TRPM5: variants seen among roughly 807,000 people sequenced by gnomAD.
TRPM5 encodes MLSN1 and TRP-related.
TRPM5 carries 121 observed loss-of-function variants against 124.9 expected under a neutral mutation model. That is an observed-to-expected ratio of 0.97 (90% CI 0.84 to 1.13). TRPM5 has a LOEUF of 1.13. Among genes scored for constraint, TRPM5 ranks in the 50% most tolerant of loss-of-function variants. The probability of loss-of-function intolerance (pLI) is 0.00; values close to 1 mark genes in which losing one functional copy is unlikely to be tolerated. For missense variants in TRPM5, 1,643 were observed against 1,589.1 expected, an observed-to-expected ratio of 1.03 and a Z score of -0.58; for synonymous variants, 781 against 700.5, an observed-to-expected ratio of 1.11 and a Z score of -1.81.
At chr11:2,435,620 C>CATCG in the TRPM5 span, among the ~76,000 whole-genome samples, 1 of 151,432 alleles carries the variant, frequency 6.6e-6, no homozygotes, top group Admixed American at 6.6e-5. The surrounding 1 kb of genome is among the most constrained non-coding windows in gnomAD (Gnocchi z 4.1). Flanking sequence ...TCCATCCATC[C>CATCG]ACCCATCCAC....
intron 21 of TRPM5, 53 bp from the exon 27 acceptor site, chr11:2,406,144 G>C: frequency 1.9e-6 from 3 of 1,591,128 alleles, no homozygotes; most frequent in Non-Finnish European, 2.6e-6. Context: ...TGCTCTGCGT[G>C]TGGGGAGCCT....
chr11:2,418,547 C>T (rs997328558), exon 5 of TRPM5: 14 of 1,611,692 alleles, frequency 8.7e-6, no homozygotes, highest in Non-Finnish European at 1.2e-5. Context: ...TTGGGATCAC[C>T]ATTGACCAGC....
the TRPM5 span, among the ~76,000 whole-genome samples, chr11:2,443,817 C>T: frequency 6.9e-6 from 1 of 145,102 alleles, no homozygotes; most frequent in African/African-American, 2.6e-5. This position sits in a 1 kb window ranked among gnomAD's most constrained non-coding sequence, Gnocchi z 5.0. Context: ...CTGTTGGCTG[C>T]CCCCCACCCC....
intron 21 of TRPM5, 169 bp from the exon 27 acceptor site, chr11:2,406,260 AC>A: frequency 1.4e-6 from 1 of 722,102 alleles, no homozygotes; most frequent in Non-Finnish European, 2.4e-6. Context: ...CTCAAAGTGC[AC>A]CTGGTGCAGT....
exon 9 of TRPM5, chr11:2,415,181 G>C (rs201638929): frequency 6.3e-7 from 1 of 1,585,172 alleles, no homozygotes. Context: ...CGTCCTGCAG[G>C]AAGTCCTTGA....
At position 2,421,200 on chromosome 11, in the gene TRPM5, T is replaced by C. The variant is rs1189337773; in HGVS notation, c.299-2A>G. The C allele has an allele frequency of 5.2e-6, 8 of 1,535,582 alleles. No homozygotes were observed. The highest frequency in any genetic ancestry group is 7.0e-6 in the Non-Finnish European group (8 of 1,143,824). Reference sequence around the variant, plus strand: ...GGGCACTGGTCAGGATCCAGGCTCCTGTGGGGATGGAAGAGGGCCTCGTTG... The same window carrying C: ...GGGCACTGGTCAGGATCCAGGCTCCCGTGGGGATGGAAGAGGGCCTCGTTG... On this transcript the variant is annotated splice_acceptor_variant, in intron 2 of 23. Coordinates refer to ENST00000155858, the Ensembl canonical transcript of TRPM5. LOFTEE classifies it high-confidence loss of function.
the TRPM5 span, among the ~76,000 whole-genome samples, chr11:2,432,538 C>T: frequency 5.3e-5 from 8 of 152,208 alleles, no homozygotes; most frequent in Admixed American, 1.3e-4. Context: ...TCCAGGAGAG[C>T]GTGAGCCGTC....
the TRPM5 span, among the ~76,000 whole-genome samples, chr11:2,433,915 T>C: frequency 1.3e-5 from 2 of 151,844 alleles, no homozygotes; most frequent in Non-Finnish European, 2.9e-5. Flanking sequence ...TATGTAGACA[T>C]TGTGTGTGGC....
chr11:2,431,016 C>A, the TRPM5 span, among the ~76,000 whole-genome samples: 26 of 152,098 alleles, frequency 1.7e-4, 1 homozygote, highest in African/African-American at 6.3e-4. Flanking sequence ...GGTAGCAGGC[C>A]ATGTTATAAC....
chr11:2,407,742 G>GGGTT lies in TRPM5; in HGVS notation c.2936+13_2936+16dup. ...TCCGCTCCAGGGCTCTCTCCTCCAG[G>GGGTT]GGTTGGGTGGAGTCACCTGAACATG... On this transcript the variant is annotated intron_variant, in intron 19 of 23. Coordinates refer to ENST00000155858, the Ensembl canonical transcript of TRPM5. 6.2e-7 allele frequency: 1 copy of GGGTT among 1,612,538 alleles called. No individual in the cohort carries two copies. The highest frequency in any genetic ancestry group is 8.5e-7 in the Non-Finnish European group (1 of 1,179,438).
the TRPM5 span, among the ~76,000 whole-genome samples, chr11:2,434,372 G>A: frequency 6.6e-6 from 1 of 151,730 alleles, no homozygotes; most frequent in Non-Finnish European, 1.5e-5. Context: ...CACCGTGTGT[G>A]TCTGTGTGGA....
the TRPM5 span, among the ~76,000 whole-genome samples, chr11:2,428,125 G>A: frequency 6.6e-6 from 1 of 152,166 alleles, no homozygotes; most frequent in African/African-American, 2.4e-5. This position sits in a 1 kb window ranked among gnomAD's most constrained non-coding sequence, Gnocchi z 4.0. Context: ...CATAGCTGTT[G>A]AGCTACTTAG....
At position 2,415,059 on chromosome 11, in the gene TRPM5, G is replaced by A. The variant is rs768040441; in HGVS notation, c.1480-12C>T. The A allele has an allele frequency of 2.5e-5, 40 of 1,596,650 alleles. No homozygotes were observed. The highest frequency in any genetic ancestry group is 1.8e-4 in the South Asian group (16 of 90,528). On this transcript the variant is annotated splice_polypyrimidine_tract_variant and intron_variant, in intron 9 of 23. Coordinates refer to ENST00000155858, the Ensembl canonical transcript of TRPM5. Reference sequence around the variant, plus strand: ...GCCGGGCCCTTCTCCTGGAGGACACGGGCGTCGGCCTCCTGCTGCGGCCCC... The same window carrying A: ...GCCGGGCCCTTCTCCTGGAGGACACAGGCGTCGGCCTCCTGCTGCGGCCCC...
At chr11:2,437,934 A>G in the TRPM5 span, among the ~76,000 whole-genome samples, 5 of 152,190 alleles carry the variant, frequency 3.3e-5, no homozygotes, top group Non-Finnish European at 5.9e-5. This position sits in a 1 kb window ranked among gnomAD's most constrained non-coding sequence, Gnocchi z 5.6. Context: ...AAATATAAAA[A>G]TCCTCAACAA....
chr11:2,407,375 A>T (rs1850345847), intron 19 of TRPM5, 75 bp from the exon 25 acceptor site: 1 of 1,434,434 alleles, frequency 7.0e-7, no homozygotes, highest in East Asian at 2.5e-5. Flanking sequence ...CTGCACCCTG[A>T]TTGCTGTTGG....
chr11:2,409,876 C>T (rs1056689986), intron 18 of TRPM5, among the ~76,000 whole-genome samples: 19 of 152,170 alleles, frequency 1.2e-4, no homozygotes, highest in East Asian at 3.9e-4. Flanking sequence ...AGCAGGGGCC[C>T]CTCGGGAGTC....
At chr11:2,436,519 G>A in the TRPM5 span, among the ~76,000 whole-genome samples, 22 of 152,250 alleles carry the variant, frequency 1.4e-4, no homozygotes, top group Non-Finnish European at 2.6e-4. Context: ...CTGGGCCCAG[G>A]AAAGGGCTAT....
intron 11 of TRPM5, 21 bp downstream of exon 16, chr11:2,414,694 C>A (rs1360653876): frequency 3.3e-6 from 5 of 1,524,374 alleles, no homozygotes; most frequent in Non-Finnish European, 4.4e-6. Context: ...GCGGGCCCGG[C>A]CCCAGCCGCC....
At position 2,422,285 on chromosome 11, in the gene TRPM5, G is replaced by A. The variant is rs751789044; in HGVS notation, c.154C>T (p.Leu52Phe). 12 of 1,612,216 alleles carry A rather than the reference G, an allele frequency of 7.4e-6. No homozygotes were observed. The East Asian group carries it at 2.7e-4, about 36-fold the overall frequency. ...CACTCAGCAAGCAGCAGGTCAAAGA[G>A]CACAGACGGGGCCACTCCGCTCGGC... Residue 52 changes from leucine (L) to phenylalanine (F), a missense_variant, in exon 2 of 24, where the codon CTC (leucine) becomes TTC (phenylalanine). Coordinates refer to ENST00000155858, the Ensembl canonical transcript of TRPM5.
Sources: allele counts gnomAD v4.1 joint callset (sites outside exome capture counted in the v4.1 genomes callset), GRCh38; gene constraint gnomAD v4.1.1; non-coding constraint Gnocchi (gnomAD v3.1); transcripts MANE v1.5; gene names NCBI Gene and HGNC (gene_info 2026-07-23, HGNC 2026-07-21).